NYAP2: variants seen among roughly 807,000 people sequenced by gnomAD.
The protein encoded by NYAP2 is neuronal tyrosine-phosphorylated phosphoinositide-3-kinase adapter 2.
A neutral mutation model predicts 50.4 loss-of-function variants in NYAP2; 23 were observed. The observed-to-expected ratio is 0.46, with a 90% CI of 0.33 to 0.65. The LOEUF (loss-of-function observed/expected upper bound fraction) is 0.65. NYAP2 is among the 30% of genes least tolerant of loss of function. The pLI, the probability that NYAP2 is intolerant of heterozygous loss-of-function variation, is 0.02. For missense variants in NYAP2, 885 were observed against 861.0 expected, an observed-to-expected ratio of 1.03 and a Z score of -0.35; for synonymous variants, 394 against 365.2, an observed-to-expected ratio of 1.08 and a Z score of -0.90.
Position 225,651,546 on chromosome 2 carries a change from CGTT to C in NYAP2, c.1944_1946del (p.Leu649del). The C allele has an allele frequency of 6.2e-7, 1 of 1,613,928 alleles. No individual in the cohort carries two copies. The highest frequency in any genetic ancestry group is 1.1e-5 in the South Asian group (1 of 91,054). On this transcript the variant is annotated inframe_deletion, in exon 7 of 7. Coordinates refer to ENST00000636099, the Ensembl canonical transcript of NYAP2. ...CTGCAACAGAGCCAGGTACCATCAT[CGTT>C]AGCCAATCGTGATTGACTTCCTGTG...
At chr2:225,634,756 G>A (rs924961400) in intron 6 of NYAP2, among the ~76,000 whole-genome samples, 2 of 152,078 alleles carry the variant, frequency 1.3e-5, no homozygotes, top group South Asian at 4.2e-4. Context: ...CCAAACCATG[G>A]TTCATAAGAC....
the NYAP2 span, among the ~76,000 whole-genome samples, chr2:225,665,857 A>G: frequency 7.0e-6 from 1 of 142,890 alleles, no homozygotes; most frequent in Non-Finnish European, 1.5e-5. Flanking sequence ...CCAGATAGAC[A>G]GGAGGTAAGT....
At chr2:225,631,830 G>A (rs1693321202) in intron 6 of NYAP2, among the ~76,000 whole-genome samples, 1 of 152,050 alleles carries the variant, frequency 6.6e-6, no homozygotes, top group Non-Finnish European at 1.5e-5. Flanking sequence ...GTTTTGTTCT[G>A]TTTTTGAGAT....
chr2:225,583,097 GC>G, intron 5 of NYAP2, 62 bp downstream of exon 5: 1 of 1,548,292 alleles, frequency 6.5e-7, no homozygotes. Flanking sequence ...CCAGGGTGAA[GC>G]CCATTGTGTG....
intron 3 of NYAP2, among the ~76,000 whole-genome samples, chr2:225,446,246 C>CTCTCTCTCTCTCTCTCTA: frequency 1.2e-5 from 1 of 82,272 alleles, no homozygotes; most frequent in East Asian, 3.7e-4. Context: ...CTCTCTCTCT[C>CTCTCTCTCTCTCTCTCTA]TATATATATA....
At chr2:225,499,943 T>A (rs920217356) in intron 3 of NYAP2, among the ~76,000 whole-genome samples, 1 of 152,070 alleles carries the variant, frequency 6.6e-6, no homozygotes, top group South Asian at 2.1e-4. Context: ...TAAGTATTGC[T>A]AAAGAAAGGG....
chr2:225,445,050 A>G (rs1443728639), intron 3 of NYAP2, among the ~76,000 whole-genome samples: 3 of 152,146 alleles, frequency 2.0e-5, no homozygotes, highest in Non-Finnish European at 4.4e-5. Context: ...TAGCTAATCC[A>G]CAGAAAGTGC....
intron 3 of NYAP2, among the ~76,000 whole-genome samples, chr2:225,444,175 A>C: frequency 6.6e-6 from 1 of 152,222 alleles, no homozygotes; most frequent in African/African-American, 2.4e-5. Context: ...TTACCATACA[A>C]GCCGATGATT....
At chr2:225,439,988 T>A (rs2106139938) in intron 3 of NYAP2, among the ~76,000 whole-genome samples, 1 of 152,232 alleles carries the variant, frequency 6.6e-6, no homozygotes, top group South Asian at 2.1e-4. Context: ...GCAGGGGAAA[T>A]GCCATAGGCT....
At chr2:225,697,601 AT>A in the NYAP2 span, among the ~76,000 whole-genome samples, 1 of 151,978 alleles carries the variant, frequency 6.6e-6, no homozygotes, top group Non-Finnish European at 1.5e-5. Context: ...TATCACATTA[AT>A]ATTAGACCTC....
chr2:225,585,384 A>G (rs977872776), intron 5 of NYAP2, among the ~76,000 whole-genome samples: 2 of 152,236 alleles, frequency 1.3e-5, no homozygotes, highest in Admixed American at 1.3e-4. Flanking sequence ...AAGTATATGT[A>G]AAAGAAATGA....
chr2:225,410,461 T>C (rs903508957), intron 3 of NYAP2, among the ~76,000 whole-genome samples: 6 of 152,040 alleles, frequency 3.9e-5, no homozygotes, highest in Non-Finnish European at 5.9e-5. Context: ...TGATGGACAT[T>C]TTTTTGTGTG....
intron 5 of NYAP2, among the ~76,000 whole-genome samples, chr2:225,597,849 T>C (rs1243925064): frequency 6.6e-6 from 1 of 152,006 alleles, no homozygotes; most frequent in East Asian, 1.9e-4. Flanking sequence ...AGGGTGATTG[T>C]TTAACCTTTA....
At chr2:225,562,617 G>A (rs1691895045) in intron 4 of NYAP2, among the ~76,000 whole-genome samples, 1 of 151,998 alleles carries the variant, frequency 6.6e-6, no homozygotes, top group African/African-American at 2.4e-5. Context: ...AGCATTGTAA[G>A]GGCAAATTTG....
At chr2:225,613,159 T>C (rs1237559141) in intron 5 of NYAP2, among the ~76,000 whole-genome samples, 2 of 152,052 alleles carry the variant, frequency 1.3e-5, no homozygotes, top group African/African-American at 4.8e-5. Context: ...GTCCAAAAGC[T>C]TCAAAAGTAG....
chr2:225,685,830 A>G, the NYAP2 span, among the ~76,000 whole-genome samples: 1 of 152,188 alleles, frequency 6.6e-6, no homozygotes, highest in African/African-American at 2.4e-5. Context: ...GATGTGATAT[A>G]TAAGTATGTT....
chr2:225,702,327 G>A, the NYAP2 span: 1 of 151,720 alleles, frequency 6.6e-6, no homozygotes, highest in Non-Finnish European at 1.5e-5. Flanking sequence ...TTTAACAGTT[G>A]ATTATTGAGC....
At chr2:225,436,670 A>G (rs763677910) in intron 3 of NYAP2, among the ~76,000 whole-genome samples, 35 of 151,672 alleles carry the variant, frequency 2.3e-4, no homozygotes, top group Non-Finnish European at 4.9e-4. Flanking sequence ...CCCATAATAT[A>G]ACACATGCTA....
intron 4 of NYAP2, among the ~76,000 whole-genome samples, chr2:225,514,387 T>C (rs2106186384): frequency 6.6e-6 from 1 of 152,316 alleles, no homozygotes; most frequent in East Asian, 1.9e-4. Flanking sequence ...ACACAAGCTA[T>C]CTTGGTCATT....
Sources: gnomAD v4.1 joint callset for allele counts (sites outside exome capture counted in the v4.1 genomes callset) on GRCh38, gnomAD v4.1.1 for gene constraint, MANE v1.5 for transcripts, NCBI Gene and HGNC (gene_info 2026-07-23, HGNC 2026-07-21) for gene names.